The following CRPPA variants were observed in gnomAD, a reference collection of about 807,000 sequenced individuals.
CRPPA encodes D-ribitol-5-phosphate cytidylyltransferase.
Under a neutral mutation model 52.0 loss-of-function variants are expected in CRPPA, and 43 were observed. The observed-to-expected ratio is 0.83, with a 90% CI of 0.65 to 1.07. The LOEUF (loss-of-function observed/expected upper bound fraction) is 1.07, where lower values mean the gene tolerates loss of function less well. CRPPA is among the 50% of genes least tolerant of loss of function. The pLI is 0.00. For synonymous variants in CRPPA, 250 were observed against 203.5 expected (o/e 1.23, Z -1.94); for missense variants, 629 against 551.7 (o/e 1.14, Z -1.40).
intron 9 of CRPPA, among the ~76,000 whole-genome samples, chr7:16,099,864 C>G (rs1782008178): frequency 6.6e-6 from 1 of 152,146 alleles, no homozygotes; most frequent in South Asian, 2.1e-4. Flanking sequence ...TGTTTTGATC[C>G]TACACAACTC....
chr7:16,294,075 C>G (rs529069845), intron 5 of CRPPA, among the ~76,000 whole-genome samples: 10 of 151,906 alleles, frequency 6.6e-5, no homozygotes, highest in African/African-American at 2.4e-4. Flanking sequence ...AGAGCTGTAT[C>G]AATACCATAC....
In CRPPA at chr7:16,170,702, C is replaced by T. The variant is rs917622; in HGVS notation, c.1251+45364G>A. The stretch of plus-strand genomic sequence containing the variant: ...AGGCTCGGAGCATGGGCATGGTGGG[C>T]TGCAGGTCCCGAGCCCTGCCCTGCA... On this transcript the variant is annotated intron_variant, in intron 9 of 9. Coordinates refer to ENST00000407010, the MANE Select transcript of CRPPA (RefSeq NM_001101426.4). 2.0e-3 allele frequency among the ~76,000 whole-genome samples: 311 copies of T among 152,316 alleles called. 2 individuals are homozygous for T. The East Asian group carries it at 0.023, about 11-fold the overall frequency.
intron 3 of CRPPA, among the ~76,000 whole-genome samples, chr7:16,374,038 A>G (rs1786816781): frequency 6.6e-6 from 1 of 152,134 alleles, no homozygotes; most frequent in Admixed American, 6.5e-5. Flanking sequence ...GGTTAATATT[A>G]GGTATTAACT....
intron 2 of CRPPA, among the ~76,000 whole-genome samples, chr7:16,376,579 T>C (rs1668910710): frequency 6.6e-6 from 1 of 152,140 alleles, no homozygotes; most frequent in African/African-American, 2.4e-5. Context: ...AAGACTATCA[T>C]GAAATAATTG....
intron 5 of CRPPA, among the ~76,000 whole-genome samples, chr7:16,286,038 A>AAAAAAAAAAAATAT (rs1784426837): frequency 5.7e-5 from 1 of 17,504 alleles, no homozygotes; most frequent in Non-Finnish European, 9.5e-5. Context: ...AAAAAAAAAA[A>AAAAAAAAAAAATAT]ATATAAATAT....
chr7:16,404,653 G>A (rs1787909381), intron 2 of CRPPA, among the ~76,000 whole-genome samples: 1 of 151,114 alleles, frequency 6.6e-6, no homozygotes, highest in African/African-American at 2.4e-5. Flanking sequence ...AATATGCGTT[G>A]CAATGAATGC....
At chr7:16,217,295 C>T (rs1782356428) in intron 8 of CRPPA, among the ~76,000 whole-genome samples, 1 of 151,722 alleles carries the variant, frequency 6.6e-6, no homozygotes, top group Non-Finnish European at 1.5e-5. Context: ...ATCTGTACAT[C>T]ACCATCATCA....
At chr7:16,152,518 A>AT (rs1783097501) in intron 9 of CRPPA, among the ~76,000 whole-genome samples, 1 of 151,926 alleles carries the variant, frequency 6.6e-6, no homozygotes, top group African/African-American at 2.4e-5. Flanking sequence ...TGTTTAAAAG[A>AT]TTTTCTGCTA....
chr7:16,371,538 T>TA (rs201341220), intron 3 of CRPPA, among the ~76,000 whole-genome samples: 28 of 149,148 alleles, frequency 1.9e-4, no homozygotes, highest in East Asian at 1.6e-3. Flanking sequence ...AAAAATAAAT[T>TA]AAAAAAAAAC....
intron 9 of CRPPA, among the ~76,000 whole-genome samples, chr7:16,215,371 A>C (rs6976343): frequency 0.64 from 96,693 of 151,400 alleles, 31,049 homozygotes; most frequent in Admixed American, 0.69. Context: ...CAAATTTTTA[A>C]CCCTAATTCT....
chr7:16,157,415 T>C lies in CRPPA; in HGVS notation c.1251+58651A>G, dbSNP rs148149669. Among the ~76,000 whole-genome samples the C allele has an allele frequency of 5.5e-4, 83 of 152,228 alleles. No homozygotes were observed. The East Asian group carries it at 0.015, about 28-fold the overall frequency. On this transcript the variant is annotated intron_variant, in intron 9 of 9. Transcript: ENST00000407010. ...CATCCCGAACATTATTGCAATTATA[T>C]TAACGAAATATTAAATTTCTAAATC...
intron 9 of CRPPA, among the ~76,000 whole-genome samples, chr7:16,182,091 T>A (rs1781422955): frequency 6.6e-6 from 1 of 152,028 alleles, no homozygotes; most frequent in South Asian, 2.1e-4. Flanking sequence ...ACATATGTAA[T>A]ACGTAGTCTG....
intron 8 of CRPPA, among the ~76,000 whole-genome samples, chr7:16,247,400 A>T (rs1002854332): frequency 1.3e-5 from 2 of 152,194 alleles, no homozygotes; most frequent in African/African-American, 4.8e-5. Context: ...GGAATAGGGA[A>T]TCTCAAAGAG....
chr7:16,162,967 C>CTT (rs759839656), intron 9 of CRPPA, among the ~76,000 whole-genome samples: 2 of 137,154 alleles, frequency 1.5e-5, no homozygotes, highest in African/African-American at 2.6e-5. Context: ...TTTTCTTTTT[C>CTT]TTTCTCTTTT....
intron 3 of CRPPA, among the ~76,000 whole-genome samples, chr7:16,337,593 A>T (rs1051738191): frequency 6.6e-6 from 1 of 152,066 alleles, no homozygotes; most frequent in Non-Finnish European, 1.5e-5. Flanking sequence ...GGAAAAAAAA[A>T]TTGACAACTG....
intron 1 of CRPPA, 99 bp downstream of exon 1, chr7:16,420,967 A>G (rs1788318088): frequency 9.6e-7 from 1 of 1,044,282 alleles, no homozygotes; most frequent in South Asian, 4.5e-5. Flanking sequence ...GCGGCCCGGC[A>G]GTCCCCCAAG....
At chr7:16,349,646 G>A (rs1786097110) in intron 3 of CRPPA, among the ~76,000 whole-genome samples, 1 of 151,994 alleles carries the variant, frequency 6.6e-6, no homozygotes, top group Non-Finnish European at 1.5e-5. Context: ...GGAATCAGCA[G>A]CAGACTAGAT....
intron 9 of CRPPA, among the ~76,000 whole-genome samples, chr7:16,215,515 C>G (rs544905161): frequency 1.3e-5 from 2 of 152,306 alleles, no homozygotes; most frequent in South Asian, 4.1e-4. Context: ...GAATGCATTT[C>G]TTTAGTTAAG....
chr7:16,421,428 G>T lies in CRPPA; in HGVS notation c.-106C>A, dbSNP rs1447010004. On this transcript the variant is annotated 5_prime_UTR_variant, in exon 1 of 10. Transcript: ENST00000407010. Reference sequence around the variant, plus strand: ...GGGCGAAGGGCAGACCACGGAGAGGGACGCAGAGCGCGCAAGCAGAAGGCG... The same window carrying T: ...GGGCGAAGGGCAGACCACGGAGAGGTACGCAGAGCGCGCAAGCAGAAGGCG... 1.8e-6 allele frequency: 2 copies of T among 1,107,200 alleles called. No homozygotes were observed. The highest frequency in any genetic ancestry group is 7.0e-5 in the East Asian group (2 of 28,636). 68.6% of individuals were successfully genotyped at this position (1,107,200 alleles called of 1,614,324 possible).
Sources: allele counts gnomAD v4.1 joint callset (sites outside exome capture counted in the v4.1 genomes callset), GRCh38; gene constraint gnomAD v4.1.1; transcripts MANE v1.5; gene names NCBI Gene and HGNC (gene_info 2026-07-23, HGNC 2026-07-21).